The following SCAPER variants were observed in gnomAD, a reference collection of about 807,000 sequenced individuals.
SCAPER encodes the protein S phase cyclin A-associated protein in the endoplasmic reticulum.
A neutral mutation model predicts 182.2 loss-of-function variants in SCAPER; 98 were observed. The observed-to-expected ratio is 0.54, with a 90% confidence interval of 0.46 to 0.64. The LOEUF (loss-of-function observed/expected upper bound fraction) is 0.64. SCAPER is among the 30% of genes least tolerant of loss of function. The probability of loss-of-function intolerance (pLI) is 0.00; values close to 1 mark genes in which losing one functional copy is unlikely to be tolerated. For synonymous variants in SCAPER, 605 were observed against 564.6 expected (o/e 1.07, Z -1.01); for missense variants, 1,432 against 1,690.0 (o/e 0.85, Z 2.68).
chr15:76,770,558 C>A (rs1055589421), intron 10 of SCAPER, among the ~76,000 whole-genome samples: 12 of 151,994 alleles, frequency 7.9e-5, no homozygotes, highest in Admixed American at 6.5e-5. Flanking sequence ...TTCAAGTATG[C>A]AAATTTGACC....
At chr15:76,516,674 T>A (rs2042451512) in intron 23 of SCAPER, among the ~76,000 whole-genome samples, 1 of 152,214 alleles carries the variant, frequency 6.6e-6, no homozygotes, top group African/African-American at 2.4e-5. Flanking sequence ...GCAATAAACA[T>A]ATGTGTGCAT....
intron 22 of SCAPER, among the ~76,000 whole-genome samples, chr15:76,615,807 G>A (rs1443251978): frequency 5.0e-5 from 7 of 139,342 alleles, no homozygotes; most frequent in South Asian, 4.5e-4. Context: ...GTAACAGAGC[G>A]AGATTCCATC....
In SCAPER at chr15:76,376,247, T is replaced by C. The variant is rs775337330; in HGVS notation, c.3770A>G (p.His1257Arg). ...FRHMASSLLG[H>R]CSQVSCESLL... is the part of the protein sequence containing the mutation. ...GCTTTCACAGGAGACTTGGCTGCAG[T>C]GGCCCAGCAGGGAGCTGGCCATGTG... is the stretch of plus-strand genomic sequence containing the variant. The change falls in exon 29 of 32, where the codon CAC becomes CGC. Residue 1257 changes from histidine to arginine, a missense_variant. His to Arg is a conservative substitution (Grantham distance 29). Around this residue, in one of 5 missense-constraint regions of SCAPER, gnomAD observed 718 missense variants for 799.7 expected, o/e 0.90. Coordinates refer to ENST00000563290, the MANE Select transcript of SCAPER (RefSeq NM_020843.4). 6.2e-6 allele frequency: 10 copies of C among 1,613,898 alleles called. No individual in the cohort carries two copies. In the African/African-American group the frequency reaches 1.2e-4, roughly 19 times the overall value.
intron 20 of SCAPER, among the ~76,000 whole-genome samples, chr15:76,687,466 A>C (rs1387089961): frequency 2.6e-5 from 4 of 152,198 alleles, no homozygotes; most frequent in African/African-American, 9.7e-5. Context: ...ATTATACTTT[A>C]AGTTTGGGGT....
chr15:76,695,194 T>G (rs2147179083), intron 20 of SCAPER, among the ~76,000 whole-genome samples: 1 of 152,328 alleles, frequency 6.6e-6, no homozygotes, highest in East Asian at 1.9e-4. Flanking sequence ...ATTTTATACC[T>G]TGACTAACAT....
chr15:76,524,689 GTTTTTTTTTTTTTTTTTT>G (rs35944222), intron 23 of SCAPER, among the ~76,000 whole-genome samples: 1 of 50,116 alleles, frequency 2.0e-5, no homozygotes, highest in African/African-American at 8.3e-5. Context: ...TTTTTGTTCT[GTTTTTTTTTTTTTTTTTT>G]TTTTTTTTTT....
intron 22 of SCAPER, among the ~76,000 whole-genome samples, chr15:76,583,587 A>G (rs1246415782): frequency 6.6e-6 from 1 of 152,220 alleles, no homozygotes; most frequent in Non-Finnish European, 1.5e-5. Flanking sequence ...AATATCTGAT[A>G]ATCTAATTAA....
intron 27 of SCAPER, among the ~76,000 whole-genome samples, chr15:76,397,282 TC>T (rs1259033044): frequency 1.3e-5 from 2 of 152,104 alleles, no homozygotes; most frequent in Admixed American, 1.3e-4. Context: ...TCTTTAGTTT[TC>T]TTTTTTCCAT....
At chr15:76,630,845 A>G (rs73457068) in intron 21 of SCAPER, among the ~76,000 whole-genome samples, 2,826 of 152,254 alleles carry the variant, frequency 0.019, 90 homozygotes, top group African/African-American at 0.063. Context: ...AGTCCTGAAC[A>G]TTTTTATTAA....
At chr15:76,675,922 T>G (rs1039162199) in intron 20 of SCAPER, among the ~76,000 whole-genome samples, 1 of 152,028 alleles carries the variant, frequency 6.6e-6, no homozygotes, top group Non-Finnish European at 1.5e-5. Flanking sequence ...CCTCCTGGGT[T>G]CAAGTGATTC....
chr15:76,364,713 G>C (rs2041691084), intron 29 of SCAPER, among the ~76,000 whole-genome samples: 1 of 152,034 alleles, frequency 6.6e-6, no homozygotes, highest in Admixed American at 6.5e-5. Flanking sequence ...ACAGCCCTGG[G>C]GCTTCAGTGT....
chr15:76,825,423 T>C (rs2067923365), intron 5 of SCAPER, among the ~76,000 whole-genome samples: 1 of 152,236 alleles, frequency 6.6e-6, no homozygotes, highest in Non-Finnish European at 1.5e-5. Context: ...GTATCAAGTA[T>C]AATAACTAAT....
intron 24 of SCAPER, among the ~76,000 whole-genome samples, chr15:76,472,702 T>C (rs1246408339): frequency 6.6e-6 from 1 of 152,130 alleles, no homozygotes; most frequent in East Asian, 1.9e-4. Context: ...TTTACTGTTG[T>C]ATTGTGGGGA....
At chr15:76,472,837 T>C (rs1386720806) in intron 24 of SCAPER, among the ~76,000 whole-genome samples, 2 of 152,206 alleles carry the variant, frequency 1.3e-5, no homozygotes, top group Admixed American at 6.5e-5. Flanking sequence ...CTGAGACATG[T>C]AGCCACCTTG....
At chr15:76,412,343 G>C (rs1194510995) in intron 26 of SCAPER, among the ~76,000 whole-genome samples, 2 of 151,952 alleles carry the variant, frequency 1.3e-5, no homozygotes, top group Non-Finnish European at 2.9e-5. Flanking sequence ...TGGACTTTAG[G>C]GTGATAATGA....
intron 11 of SCAPER, among the ~76,000 whole-genome samples, chr15:76,765,992 T>C (rs2063088460): frequency 1.3e-5 from 2 of 152,304 alleles, no homozygotes; most frequent in South Asian, 4.1e-4. Context: ...ATGTAAAACA[T>C]TTAAAGTTAT....
At chr15:76,751,280 T>C (rs2062070197) in intron 15 of SCAPER, among the ~76,000 whole-genome samples, 1 of 151,800 alleles carries the variant, frequency 6.6e-6, no homozygotes, top group Admixed American at 6.6e-5. Flanking sequence ...GAACACTTAA[T>C]ATTGTTAAGA....
At chr15:76,553,052 C>A (rs35249521) in intron 23 of SCAPER, among the ~76,000 whole-genome samples, 24 of 152,108 alleles carry the variant, frequency 1.6e-4, no homozygotes, top group Admixed American at 1.6e-3. Flanking sequence ...TTGAAACTTT[C>A]CCTCTGCCGC....
chr15:76,566,091 T>C (rs1408763638), intron 23 of SCAPER, among the ~76,000 whole-genome samples: 2 of 152,128 alleles, frequency 1.3e-5, no homozygotes, highest in Non-Finnish European at 2.9e-5. Flanking sequence ...AACACAGTTT[T>C]CTGAATATAA....
Sources: gnomAD v4.1 joint callset for allele counts (sites outside exome capture counted in the v4.1 genomes callset) on GRCh38, gnomAD v4.1.1 for gene constraint, gnomAD v4.1.1 regional missense constraint, MANE v1.5 for transcripts, NCBI Gene and HGNC (gene_info 2026-07-23, HGNC 2026-07-21) for gene names.